The following PDGFA variants were observed in gnomAD, a reference collection of about 807,000 sequenced individuals.
The protein encoded by PDGFA is platelet derived growth factor subunit A, also known as platelet-derived growth factor subunit A.
In PDGFA, 9 loss-of-function variants were observed where a neutral mutation model predicts 25.6. That is an observed-to-expected ratio of 0.35 (90% CI 0.21 to 0.61). PDGFA has a LOEUF of 0.61. Among genes scored for constraint, PDGFA ranks in the 20% least tolerant of loss-of-function variants. The pLI is 0.75. For synonymous variants in PDGFA, 133 were observed against 111.8 expected, an observed-to-expected ratio of 1.19 and a Z score of -1.20; for missense variants, 242 against 272.8, an observed-to-expected ratio of 0.89 and a Z score of 0.79.
intron 2 of PDGFA, chr7:512,748 A>C: frequency 9.1e-7 from 1 of 1,097,616 alleles, no homozygotes; most frequent in Non-Finnish European, 1.2e-6. Flanking sequence ...TTCGGGGAAG[A>C]GGTTGCAGGT....
At chr7:504,754 C>A (rs1309572618) in intron 4 of PDGFA, among the ~76,000 whole-genome samples, 3 of 152,250 alleles carry the variant, frequency 2.0e-5, no homozygotes, top group African/African-American at 7.2e-5. Flanking sequence ...GGTCAACAAG[C>A]AGCCTCACCT....
At chr7:511,158 G>A (rs1429527694) in intron 3 of PDGFA, among the ~76,000 whole-genome samples, 162 bp from the exon 4 acceptor site, 1 of 151,966 alleles carries the variant, frequency 6.6e-6, no homozygotes, top group Non-Finnish European at 1.5e-5. Context: ...GAGGCTTAGG[G>A]GCTGGGTGGG....
exon 6 of PDGFA, chr7:498,286 G>C (rs1782183339): frequency 6.0e-6 from 3 of 504,034 alleles, no homozygotes; most frequent in Non-Finnish European, 1.1e-5. Context: ...AGTCCGTTTT[G>C]TTTTTGTCAT....
At chr7:502,892 T>C (rs941623722) in intron 4 of PDGFA, among the ~76,000 whole-genome samples, 9 of 151,618 alleles carry the variant, frequency 5.9e-5, no homozygotes, top group Non-Finnish European at 1.2e-4. Context: ...TACCCTGTCA[T>C]GGGGAGGCAA....
chr7:510,763 G>C (rs1374740619), intron 4 of PDGFA, 46 bp downstream of exon 4: 18 of 603,750 alleles, frequency 3.0e-5, no homozygotes, highest in African/African-American at 6.8e-5. Flanking sequence ...GGAGGGGAGA[G>C]GAGAGGAGGG....
At chr7:512,729 G>A (rs927474883) in intron 2 of PDGFA, 23 of 1,257,722 alleles carry the variant, frequency 1.8e-5, no homozygotes, top group East Asian at 1.0e-4. Context: ...GTGACGAAGC[G>A]CAGGGCCCTT....
At chr7:516,792 C>A (rs1783123780) in intron 2 of PDGFA, among the ~76,000 whole-genome samples, 1 of 152,234 alleles carries the variant, frequency 6.6e-6, no homozygotes, top group South Asian at 2.1e-4. Flanking sequence ...GAGGGTGAGC[C>A]GCAAAAATAG....
intron 2 of PDGFA, among the ~76,000 whole-genome samples, chr7:515,280 C>G (rs935374237): frequency 1.3e-5 from 2 of 152,190 alleles, no homozygotes; most frequent in Non-Finnish European, 2.9e-5. Context: ...CTGCCCCTAA[C>G]AGACCAGAAG....
intron 1 of PDGFA, 73 bp downstream of exon 1, chr7:518,866 G>C: frequency 3.9e-6 from 4 of 1,033,620 alleles, no homozygotes; most frequent in Non-Finnish European, 5.5e-6. Flanking sequence ...TGCAGAGCCC[G>C]TGGCGCCCCA....
At chr7:508,364 C>A (rs1482153166) in intron 4 of PDGFA, among the ~76,000 whole-genome samples, 1 of 151,676 alleles carries the variant, frequency 6.6e-6, no homozygotes, top group Non-Finnish European at 1.5e-5. Context: ...CCAGGGGGTC[C>A]AGAGCAGGCT....
chr7:504,916 C>T (rs1434676045), intron 4 of PDGFA, among the ~76,000 whole-genome samples: 2 of 152,200 alleles, frequency 1.3e-5, no homozygotes, highest in African/African-American at 4.8e-5. Context: ...CAGGACACAA[C>T]AGAAATGCCA....
intron 4 of PDGFA, among the ~76,000 whole-genome samples, chr7:503,115 G>A (rs1320245296): frequency 6.6e-6 from 1 of 152,094 alleles, no homozygotes; most frequent in African/African-American, 2.4e-5. Context: ...GGCAAGACTG[G>A]CACCTCCATT....
intron 1 of PDGFA, among the ~76,000 whole-genome samples, chr7:518,732 C>A (rs1282292198): frequency 6.6e-6 from 1 of 152,214 alleles, no homozygotes; most frequent in Non-Finnish European, 1.5e-5. Flanking sequence ...CCCGGTCCCC[C>A]CGAGGCAGAG....
exon 6 of PDGFA, chr7:497,417 A>T (rs1241118139): frequency 6.6e-6 from 1 of 152,236 alleles, no homozygotes; most frequent in African/African-American, 2.4e-5. Context: ...CAGGTAAAGC[A>T]CAATATCTTA....
At position 510,840 on chromosome 7, in the gene PDGFA, T is replaced by C. The variant is rs1032413547; in HGVS notation, c.422A>G (p.Gln141Arg). The change falls in exon 4 of 6, where the codon CAG becomes CGG. Residue 141 changes from glutamine to arginine, a missense_variant. By Grantham distance (43) the Gln-to-Arg change is conservative (BLOSUM62 1). Coordinates refer to ENST00000402802, the Ensembl canonical transcript of PDGFA. ...GCTGCGGTGGTGGACGCGGGAGGGC[T>C]GGCACTTGACACTGCTCGTGTTGCA... 5 of 1,604,724 alleles carry C rather than the reference T, an allele frequency of 3.1e-6. No individual in the cohort carries two copies. In the African/African-American group the frequency reaches 5.4e-5, roughly 17 times the overall value.
chr7:511,385 GGGGCA>G, intron 3 of PDGFA, among the ~76,000 whole-genome samples: 1 of 148,562 alleles, frequency 6.7e-6, no homozygotes, highest in South Asian at 2.1e-4. Flanking sequence ...GGGGGTGGCA[GGGGCA>G]GAGGGGAACC....
Position 500,941 on chromosome 7 carries a change from G to A in PDGFA, c.580+175C>T, listed in dbSNP as rs766808144. ...CTCCCCACCGGACACCTGCAGGTGT[G>A]GGATCCGTCTCCCCCGCAGGCATCT... On this transcript the variant is annotated intron_variant, in intron 5 of 5. Transcript: ENST00000402802. The surrounding 1 kb of genome is among the most constrained non-coding windows in gnomAD (Gnocchi z 5.0). 2.5e-6 allele frequency: 4 copies of A among 1,592,504 alleles called. No homozygotes were observed. In the South Asian group the frequency reaches 3.3e-5, roughly 13 times the overall value.
intron 4 of PDGFA, among the ~76,000 whole-genome samples, chr7:504,209 C>T (rs1489863122): frequency 5.9e-5 from 9 of 152,030 alleles, no homozygotes; most frequent in Non-Finnish European, 1.3e-4. Flanking sequence ...ACCCCCTGGT[C>T]CCCAAGCTCA....
intron 4 of PDGFA, among the ~76,000 whole-genome samples, chr7:504,319 T>A (rs543566570): frequency 2.5e-4 from 38 of 151,988 alleles, no homozygotes; most frequent in African/African-American, 9.2e-4. Flanking sequence ...GAGGATGAAC[T>A]GCAGCAAAGC....
Sources: allele counts gnomAD v4.1 joint callset (sites outside exome capture counted in the v4.1 genomes callset), GRCh38; gene constraint gnomAD v4.1.1; non-coding constraint Gnocchi (gnomAD v3.1); transcripts MANE v1.5; gene names NCBI Gene and HGNC (gene_info 2026-07-23, HGNC 2026-07-21).